The following PDE4D variants were observed in gnomAD, a reference collection of about 807,000 sequenced individuals.
PDE4D encodes the protein 3',5'-cyclic-AMP phosphodiesterase 4D.
In PDE4D, 24 loss-of-function variants were observed where a neutral mutation model predicts 87.4. The observed-to-expected ratio is 0.27, with a 90% CI of 0.20 to 0.39. The LOEUF (loss-of-function observed/expected upper bound fraction) is 0.39, where lower values mean the gene tolerates loss of function less well. Ranked by LOEUF, PDE4D falls within the 10% of genes least tolerant of loss-of-function variation. The pLI is 1.00. For synonymous variants in PDE4D, 384 were observed against 383.2 expected (o/e 1.00, Z -0.02); for missense variants, 714 against 1,041.0 (o/e 0.69, Z 4.32).
intron 1 of PDE4D, among the ~76,000 whole-genome samples, chr5:59,239,451 C>T (rs1470404524): frequency 6.6e-6 from 1 of 152,148 alleles, no homozygotes; most frequent in Non-Finnish European, 1.5e-5. Flanking sequence ...CCAGGGGACC[C>T]AGCTGCCACT....
chr5:60,354,229 T>C (rs550915983), intron 1 of PDE4D, among the ~76,000 whole-genome samples: 2 of 152,314 alleles, frequency 1.3e-5, no homozygotes, highest in African/African-American at 4.8e-5. Context: ...AGAAACATTA[T>C]TTAAGTTATA....
intron 5 of PDE4D, chr5:59,063,563 T>G (rs1763457785): frequency 6.6e-6 from 1 of 152,178 alleles, no homozygotes; most frequent in South Asian, 2.1e-4. Context: ...ACAGTCTAAG[T>G]GTTAATCAGT....
At chr5:60,332,086 C>G (rs2149871686) in intron 1 of PDE4D, among the ~76,000 whole-genome samples, 2 of 152,280 alleles carry the variant, frequency 1.3e-5, no homozygotes, top group South Asian at 4.1e-4. Context: ...AATAACTCTT[C>G]CAGCTACTAT....
chr5:59,720,187 G>T (rs1444946720), intron 1 of PDE4D, among the ~76,000 whole-genome samples: 1 of 152,112 alleles, frequency 6.6e-6, no homozygotes, highest in Admixed American at 6.6e-5. Flanking sequence ...TAAGAGATGG[G>T]ATCTTGCTCT....
intron 5 of PDE4D, among the ~76,000 whole-genome samples, chr5:59,080,101 G>T (rs1766469669): frequency 6.6e-6 from 1 of 152,166 alleles, no homozygotes; most frequent in African/African-American, 2.4e-5. Context: ...GTCAGTGAAA[G>T]TGAAGATTGC....
At chr5:59,771,462 A>AAAGAAAGAAAGAAAGAGAGAG (rs1763466222) in intron 1 of PDE4D, among the ~76,000 whole-genome samples, 2 of 78,808 alleles carry the variant, frequency 2.5e-5, no homozygotes, top group African/African-American at 1.1e-4. Flanking sequence ...AGAAAGAAAG[A>AAAGAAAGAAAGAAAGAGAGAG]AAGAAAGAAA....
intron 1 of PDE4D, among the ~76,000 whole-genome samples, chr5:59,445,657 A>G (rs1260996365): frequency 6.6e-6 from 1 of 152,230 alleles, no homozygotes; most frequent in African/African-American, 2.4e-5. Flanking sequence ...GCAACTTGTA[A>G]GCATAGTTTA....
intron 6 of PDE4D, among the ~76,000 whole-genome samples, chr5:59,019,338 T>G (rs1237685574): frequency 6.6e-6 from 1 of 152,216 alleles, no homozygotes; most frequent in African/African-American, 2.4e-5. Context: ...TCCTGCACAC[T>G]ACCACCAGAT....
At chr5:59,740,191 GTGT>G (rs1758637119) in intron 1 of PDE4D, among the ~76,000 whole-genome samples, 1 of 152,140 alleles carries the variant, frequency 6.6e-6, no homozygotes, top group Admixed American at 6.5e-5. Flanking sequence ...CCCACTTACT[GTGT>G]TAAGTGCAGA....
chr5:59,993,568 A>G (rs1007174851), intron 2 of PDE4D, among the ~76,000 whole-genome samples: 8 of 152,272 alleles, frequency 5.3e-5, no homozygotes, highest in African/African-American at 1.4e-4. Flanking sequence ...CAAAAAAGTC[A>G]CATATTATAT....
chr5:60,332,408 C>A (rs1045948254), intron 1 of PDE4D, among the ~76,000 whole-genome samples: 1 of 152,132 alleles, frequency 6.6e-6, no homozygotes, highest in African/African-American at 2.4e-5. Context: ...TACTTATAAG[C>A]AGCTACCACT....
intron 1 of PDE4D, among the ~76,000 whole-genome samples, chr5:60,344,206 C>A (rs1758547963): frequency 6.6e-6 from 1 of 152,096 alleles, no homozygotes. Context: ...GCTTCATGAA[C>A]AATGATCCTC....
intron 3 of PDE4D, among the ~76,000 whole-genome samples, chr5:59,926,164 A>T (rs1755250554): frequency 6.6e-6 from 1 of 152,188 alleles, no homozygotes; most frequent in Admixed American, 6.5e-5. Flanking sequence ...AATAGAAAGT[A>T]TCTTCTCTGA....
chr5:60,130,965 T>C (rs1779514064), intron 2 of PDE4D, among the ~76,000 whole-genome samples: 2 of 152,170 alleles, frequency 1.3e-5, no homozygotes, highest in South Asian at 4.1e-4. Flanking sequence ...TATGTAAAGA[T>C]TATTTTCTGC....
At chr5:59,240,012 T>G (rs1165507568) in intron 1 of PDE4D, among the ~76,000 whole-genome samples, 1 of 152,202 alleles carries the variant, frequency 6.6e-6, no homozygotes, top group Non-Finnish European at 1.5e-5. Context: ...GCTTTGGTAT[T>G]TTAATAAGAT....
chr5:59,846,558 C>A (rs1273105393), intron 1 of PDE4D, among the ~76,000 whole-genome samples: 1 of 151,984 alleles, frequency 6.6e-6, no homozygotes, highest in Non-Finnish European at 1.5e-5. Context: ...TTTTCAGAAC[C>A]ATCGAGTAGA....
At chr5:59,637,692 G>A (rs994338318) in intron 1 of PDE4D, among the ~76,000 whole-genome samples, 1 of 152,072 alleles carries the variant, frequency 6.6e-6, no homozygotes, top group Non-Finnish European at 1.5e-5. Flanking sequence ...ATAAGTGGGA[G>A]TTGAACAATG....
chr5:59,039,497 G>A (rs946578610), intron 5 of PDE4D: 1 of 985,592 alleles, frequency 1.0e-6, no homozygotes, highest in Non-Finnish European at 1.2e-6. Flanking sequence ...GCCGCGGCCG[G>A]GTGCGCGGCC....
intron 1 of PDE4D, among the ~76,000 whole-genome samples, chr5:60,501,630 G>A (rs973444969): frequency 4.0e-5 from 6 of 151,310 alleles, no homozygotes; most frequent in African/African-American, 1.2e-4. Flanking sequence ...GTGTAAAAGT[G>A]TTCCTATTTC....
Sources: gnomAD v4.1 joint callset for allele counts (sites outside exome capture counted in the v4.1 genomes callset) on GRCh38, gnomAD v4.1.1 for gene constraint, MANE v1.5 for transcripts, NCBI Gene and HGNC (gene_info 2026-07-23, HGNC 2026-07-21) for gene names.